The following CFAP20DC variants were observed in gnomAD, a reference collection of about 807,000 sequenced individuals.
The protein encoded by CFAP20DC is CFAP20 domain containing.
CFAP20DC carries 84 observed loss-of-function variants against 101.7 expected under a neutral mutation model. The observed-to-expected ratio is 0.83, with a 90% CI of 0.69 to 0.99. The LOEUF (loss-of-function observed/expected upper bound fraction) is 0.99, where lower values mean the gene tolerates loss of function less well. Ranked by LOEUF, CFAP20DC falls within the 50% of genes least tolerant of loss-of-function variation. The pLI, the probability that CFAP20DC is intolerant of heterozygous loss-of-function variation, is 0.00. For synonymous variants in CFAP20DC, 359 were observed against 351.2 expected, an observed-to-expected ratio of 1.02 and a Z score of -0.25; for missense variants, 1,007 against 970.3, an observed-to-expected ratio of 1.04 and a Z score of -0.50.
At position 59,038,423 on chromosome 3, in the gene CFAP20DC, T is replaced by G. The variant is rs149861737; in HGVS notation, c.278+1134A>C. 4.7e-3 allele frequency among the ~76,000 whole-genome samples: 718 copies of G among 152,270 alleles called. 3 individuals are homozygous for G. The highest frequency in any genetic ancestry group is 0.017 in the African/African-American group (690 of 41,548). ...AAAGAGTGATGCAGAACTACCTAGA[T>G]GGAATGGAAAGATGTCTTACATAGC... On this transcript the variant is annotated intron_variant, in intron 4 of 16. Transcript: ENST00000482387.
intron 15 of CFAP20DC, among the ~76,000 whole-genome samples, chr3:58,785,333 T>C (rs1559587039): frequency 6.6e-6 from 1 of 152,004 alleles, no homozygotes; most frequent in Non-Finnish European, 1.5e-5. Flanking sequence ...GGTATAAACA[T>C]ACAATTAGAT....
At chr3:58,926,117 G>A (rs539449847) in intron 5 of CFAP20DC, among the ~76,000 whole-genome samples, 2 of 152,176 alleles carry the variant, frequency 1.3e-5, no homozygotes, top group Admixed American at 1.3e-4. Flanking sequence ...TGTAATCCCA[G>A]CACTTTGGGA....
At chr3:58,960,407 G>A (rs1229929806) in intron 4 of CFAP20DC, among the ~76,000 whole-genome samples, 1 of 151,000 alleles carries the variant, frequency 6.6e-6, no homozygotes, top group Non-Finnish European at 1.5e-5. Context: ...CAGAAGAATC[G>A]CTTGAATTCA....
chr3:58,887,413 C>T (rs904662149), intron 6 of CFAP20DC: 9 of 152,062 alleles, frequency 5.9e-5, no homozygotes, highest in Admixed American at 3.9e-4. Flanking sequence ...CAGTGAAAAC[C>T]TGAAATAAAA....
At chr3:58,923,653 ATTCT>A (rs1460517535) in intron 5 of CFAP20DC, among the ~76,000 whole-genome samples, 2 of 152,122 alleles carry the variant, frequency 1.3e-5, no homozygotes, top group South Asian at 4.1e-4. Context: ...TGCTTTTAAG[ATTCT>A]TTCTTTATCA....
intron 15 of CFAP20DC, among the ~76,000 whole-genome samples, chr3:58,762,865 C>T (rs893101011): frequency 6.6e-6 from 1 of 152,140 alleles, no homozygotes; most frequent in African/African-American, 2.4e-5. Context: ...GAATATTGGC[C>T]CCCACTCTCT....
Position 58,849,396 on chromosome 3 carries a change from A to G in CFAP20DC, c.1607T>C (p.Ile536Thr). 1 of 1,529,230 alleles carries G rather than the reference A, an allele frequency of 6.5e-7. No homozygotes were observed. The highest frequency in any genetic ancestry group is 2.4e-5 in the East Asian group (1 of 40,860). The allele number at this position is 1,529,230 out of a possible 1,614,324, so 94.7% of individuals were successfully genotyped here. A position where few individuals can be genotyped will look rare whatever the true frequency, so the allele number is the denominator to read the frequency against. ...GDSSEEGNHS[I>T]QGSRGPTTGP... ...AGTTGTTGGGCCTCGAGAACCCTGG[A>G]TACTGTGGTTACCCTATGTTGGGGA... Residue 536 changes from isoleucine to threonine, a missense_variant, in exon 13 of 17, where the codon ATC becomes ACC. Physicochemically the swap from Ile to Thr is moderately conservative, Grantham distance 89 (BLOSUM62 -1). Coordinates refer to ENST00000482387, the MANE Select transcript of CFAP20DC (RefSeq NM_001394063.1).
chr3:58,843,704 AT>A (rs1327719577), intron 13 of CFAP20DC, among the ~76,000 whole-genome samples: 1 of 150,466 alleles, frequency 6.6e-6, no homozygotes, highest in Non-Finnish European at 1.5e-5. Flanking sequence ...TCCAAGACAC[AT>A]AATTGTCAGA....
chr3:58,845,074 T>C (rs1332407347), intron 13 of CFAP20DC, among the ~76,000 whole-genome samples: 6 of 142,772 alleles, frequency 4.2e-5, no homozygotes, highest in Admixed American at 6.9e-5. Context: ...AGATCCAAAA[T>C]TGACACCCTA....
intron 6 of CFAP20DC, among the ~76,000 whole-genome samples, chr3:58,903,185 C>A (rs1047190140): frequency 6.6e-6 from 1 of 152,072 alleles, no homozygotes; most frequent in Non-Finnish European, 1.5e-5. Flanking sequence ...TTTTTAAAAA[C>A]TTTGTTGCTG....
intron 3 of CFAP20DC, among the ~76,000 whole-genome samples, chr3:59,040,843 C>G (rs764552501): frequency 3.3e-5 from 5 of 151,954 alleles, no homozygotes; most frequent in Non-Finnish European, 7.4e-5. Context: ...ATCAAACATA[C>G]AGGGATAACC....
intron 6 of CFAP20DC, among the ~76,000 whole-genome samples, chr3:58,910,303 A>G (rs563964116): frequency 3.3e-5 from 5 of 152,222 alleles, no homozygotes; most frequent in South Asian, 2.1e-4. Context: ...TCTTCGAGAT[A>G]TTTTCTGAGA....
At chr3:58,822,568 C>T (rs1260999056) in intron 14 of CFAP20DC, among the ~76,000 whole-genome samples, 1 of 151,602 alleles carries the variant, frequency 6.6e-6, no homozygotes, top group Admixed American at 6.6e-5. Context: ...GCACATGTAC[C>T]CTAAAACTTA....
intron 10 of CFAP20DC, among the ~76,000 whole-genome samples, chr3:58,867,401 C>G (rs1431336587): frequency 6.6e-6 from 1 of 152,028 alleles, no homozygotes; most frequent in Admixed American, 6.6e-5. Flanking sequence ...GTGAATAATC[C>G]AAAGGGAGAG....
chr3:58,841,245 G>A (rs2077081965), intron 13 of CFAP20DC, among the ~76,000 whole-genome samples: 1 of 152,120 alleles, frequency 6.6e-6, no homozygotes, highest in South Asian at 2.1e-4. Flanking sequence ...GGGAGAGAAG[G>A]GTCAGAAAGA....
intron 15 of CFAP20DC, among the ~76,000 whole-genome samples, chr3:58,768,406 G>C (rs999781119): frequency 6.6e-6 from 1 of 152,152 alleles, no homozygotes; most frequent in African/African-American, 2.4e-5. Flanking sequence ...AACCAGTTTG[G>C]GATGATGGAA....
intron 13 of CFAP20DC, among the ~76,000 whole-genome samples, chr3:58,842,923 C>G (rs373305287): frequency 4.3e-4 from 66 of 152,246 alleles, no homozygotes; most frequent in Middle Eastern, 3.4e-3. Context: ...CACACGGCAG[C>G]GTATTCCAAC....
intron 15 of CFAP20DC, among the ~76,000 whole-genome samples, chr3:58,765,791 G>T (rs990906039): frequency 1.3e-5 from 2 of 152,118 alleles, no homozygotes. Context: ...TTATCATTTA[G>T]TATCAGTGTA....
intron 3 of CFAP20DC, among the ~76,000 whole-genome samples, chr3:59,044,895 CCA>C (rs1699719206): frequency 6.6e-6 from 1 of 151,664 alleles, no homozygotes; most frequent in African/African-American, 2.4e-5. Context: ...GAAGATGAAA[CCA>C]CAGTTTCAGA....
Sources: gnomAD v4.1 joint callset for allele counts (sites outside exome capture counted in the v4.1 genomes callset) on GRCh38, gnomAD v4.1.1 for gene constraint, MANE v1.5 for transcripts, NCBI Gene and HGNC (gene_info 2026-07-23, HGNC 2026-07-21) for gene names.